WWP1: variants seen among roughly 807,000 people sequenced by gnomAD.
WWP1 encodes WW domain containing E3 ubiquitin protein ligase 1, also known as NEDD4-like E3 ubiquitin-protein ligase WWP1.
A neutral mutation model predicts 130.6 loss-of-function variants in WWP1; 49 were observed. That is an observed-to-expected ratio of 0.38 (90% CI 0.30 to 0.48). The LOEUF (loss-of-function observed/expected upper bound fraction) is 0.48. Ranked by LOEUF, WWP1 falls within the 20% of genes least tolerant of loss-of-function variation. The pLI is 0.99. For missense variants in WWP1, 809 were observed against 1,100.6 expected (o/e 0.74, Z 3.75); for synonymous variants, 332 against 367.8 (o/e 0.90, Z 1.11).
chr8:86,411,962 A>G (rs1264688885), intron 9 of WWP1, 88 bp downstream of exon 9: 3 of 1,260,776 alleles, frequency 2.4e-6, no homozygotes, highest in South Asian at 1.5e-5. Flanking sequence ...AAATGTTTTC[A>G]TTGTTCAGAA....
In WWP1 at chr8:86,438,647, A is replaced by G; in HGVS notation, c.1812A>G (p.Glu604=). 6.2e-7 allele frequency: 1 copy of G among 1,609,146 alleles called. No individual in the cohort carries two copies. Among genetic ancestry groups the G allele is most frequent in the Non-Finnish European group, 8.5e-7 (1 of 1,178,686 alleles). The change falls in exon 17 of 25, where the codon GAA becomes GAG. Residue 604 remains glutamate, a synonymous_variant. Coordinates refer to ENST00000517970, the MANE Select transcript of WWP1 (RefSeq NM_007013.4). The stretch of plus-strand genomic sequence containing the variant: ...TATATGTAATATTTAGAGGAGAAGA[A>G]GGACTTGATTATGGTGGCCTAGCGA... ...RRLYVIFRGE[E]GLDYGGLARE...
At position 86,380,758 on chromosome 8, in the gene WWP1, T is replaced by C. The variant is rs1824938513; in HGVS notation, c.103T>C (p.Trp35Arg). 6.2e-7 allele frequency: 1 copy of C among 1,610,210 alleles called. No homozygotes were observed. The highest frequency in any genetic ancestry group is 8.5e-7 in the Non-Finnish European group (1 of 1,178,900). Residue 35 changes from tryptophan to arginine, a missense_variant, in exon 4 of 25, where the codon TGG becomes CGG. Around this residue, in one of 3 missense-constraint regions of WWP1, gnomAD observed 262 missense variants for 346.0 expected, o/e 0.76. Coordinates refer to ENST00000517970, the MANE Select transcript of WWP1 (RefSeq NM_007013.4). ...SSAKLKRKKN[W>R]FGTAIYTEVV... ...TGCCAAACTTAAAAGAAAAAAGAAC[T>C]GGTTCGGAACAGCAATATATACAGA... is the stretch of plus-strand genomic sequence containing the variant.
At chr8:86,363,429 C>G (rs1228516344) in intron 1 of WWP1, among the ~76,000 whole-genome samples, 1 of 151,922 alleles carries the variant, frequency 6.6e-6, no homozygotes, top group African/African-American at 2.4e-5. Context: ...TCTTTTGGGG[C>G]CTAGTGCAGG....
intron 8 of WWP1, among the ~76,000 whole-genome samples, chr8:86,403,584 C>T (rs956313954): frequency 6.6e-6 from 1 of 152,074 alleles, no homozygotes; most frequent in Admixed American, 6.6e-5. Context: ...CGTGAGCCAC[C>T]GTGCCTGGAC....
intron 8 of WWP1, among the ~76,000 whole-genome samples, chr8:86,409,935 T>A (rs1329498058): frequency 1.3e-5 from 2 of 152,190 alleles, no homozygotes; most frequent in African/African-American, 4.8e-5. Flanking sequence ...TAATCTAGAT[T>A]ACTTCTTAAT....
At chr8:86,442,240 G>A (rs1322748296) in intron 17 of WWP1, 1 of 154,568 alleles carries the variant, frequency 6.5e-6, no homozygotes, top group Non-Finnish European at 1.4e-5. Context: ...AATTAATATT[G>A]TGAGGTTGTT....
Position 86,342,587 on chromosome 8 carries a change from T to C in WWP1, c.-458T>C, listed in dbSNP as rs1197182407. On this transcript the variant is annotated 5_prime_UTR_variant, in exon 1 of 25. Coordinates refer to ENST00000517970, the MANE Select transcript of WWP1 (RefSeq NM_007013.4). ...TTGGAGGCTTTGGGCGGCCGCGGCGTAGCGCGCGGTGCCGGGGCCGGCGGG... is the reference window on the plus strand; with the variant it reads ...TTGGAGGCTTTGGGCGGCCGCGGCGCAGCGCGCGGTGCCGGGGCCGGCGGG... Among the ~76,000 whole-genome samples, 2 of 150,034 alleles carry C rather than the reference T, an allele frequency of 1.3e-5. No individual in the cohort carries two copies. The highest frequency in any genetic ancestry group is 1.3e-4 in the Admixed American group (2 of 15,066).
At chr8:86,450,260 A>G (rs779854460) in intron 20 of WWP1, among the ~76,000 whole-genome samples, 1 of 152,192 alleles carries the variant, frequency 6.6e-6, no homozygotes, top group Non-Finnish European at 1.5e-5. Flanking sequence ...TCTGAGTGAG[A>G]GAAGTTACCA....
rs1807808308 is a variant in WWP1, at chr8:86,398,654, T to A, written c.539+16T>A. 1 of 1,609,968 alleles carries A rather than the reference T, an allele frequency of 6.2e-7. No homozygotes were observed. The highest frequency in any genetic ancestry group is 8.5e-7 in the Non-Finnish European group (1 of 1,178,654). On this transcript the variant is annotated intron_variant, in intron 7 of 24. Coordinates refer to ENST00000517970, the MANE Select transcript of WWP1 (RefSeq NM_007013.4). ...CAACTGCCAGGTAGAATATTTTATT[T>A]GAATATGGGTGGCGACATGATGTGG...
intron 17 of WWP1, among the ~76,000 whole-genome samples, 193 bp downstream of exon 17, chr8:86,438,866 A>G (rs1206509652): frequency 6.6e-6 from 1 of 152,124 alleles, no homozygotes; most frequent in Non-Finnish European, 1.5e-5. Flanking sequence ...ATCTTTACAT[A>G]TATGTAAATT....
chr8:86,346,591 C>T lies in WWP1; in HGVS notation c.-115+3661C>T, dbSNP rs145302197. ...TAGCTAGTACGGTTAAAGTGTAGTG[C>T]GATTGGTAAACAGTTGACTTTTCTG... On this transcript the variant is annotated intron_variant, in intron 1 of 24. Coordinates refer to ENST00000517970, the MANE Select transcript of WWP1 (RefSeq NM_007013.4). Among the ~76,000 whole-genome samples the T allele has an allele frequency of 7.9e-4, 120 of 152,126 alleles. 1 individual carries two copies. Among genetic ancestry groups the T allele is most frequent in the Non-Finnish European group, 1.4e-3 (93 of 68,014 alleles).
chr8:86,404,287 T>A (rs1482075326), intron 8 of WWP1, among the ~76,000 whole-genome samples: 1 of 152,226 alleles, frequency 6.6e-6, no homozygotes, highest in Non-Finnish European at 1.5e-5. Flanking sequence ...ATTTGGAGGT[T>A]TTGATCTTAT....
intron 24 of WWP1, 150 bp downstream of exon 24, chr8:86,461,996 A>T (rs371718215): frequency 7.8e-6 from 5 of 643,880 alleles, no homozygotes; most frequent in African/African-American, 7.3e-5. Flanking sequence ...AGCATTCTAT[A>T]ACTGAACACT....
At chr8:86,466,719 G>A (rs1200108767) in intron 24 of WWP1, 75 bp from the exon 25 acceptor site, 3 of 1,034,210 alleles carry the variant, frequency 2.9e-6, no homozygotes, top group Admixed American at 2.5e-5. Context: ...GCATTTCTAT[G>A]TGCTTTGAAA....
At chr8:86,418,824 A>G (rs1349376821) in intron 9 of WWP1, among the ~76,000 whole-genome samples, 2 of 152,160 alleles carry the variant, frequency 1.3e-5, no homozygotes, top group African/African-American at 4.8e-5. Context: ...TAAATTTTCA[A>G]ATACACACCC....
chr8:86,406,768 A>G (rs1467352978), intron 8 of WWP1, among the ~76,000 whole-genome samples: 2 of 152,148 alleles, frequency 1.3e-5, no homozygotes, highest in African/African-American at 4.8e-5. Context: ...CTCCCTCATG[A>G]TGTACCCTCT....
intron 9 of WWP1, among the ~76,000 whole-genome samples, chr8:86,414,092 A>G (rs186084627): frequency 2.6e-5 from 4 of 152,354 alleles, no homozygotes; most frequent in Admixed American, 2.6e-4. Context: ...TTCAAATTGT[A>G]GAGTGCAACC....
Position 86,440,860 on chromosome 8 carries a change from T to C in WWP1, c.1839-1759T>C, listed in dbSNP as rs1322444277. 4.2e-5 allele frequency: 11 copies of C among 264,002 alleles called. No individual in the cohort carries two copies. In the East Asian group the frequency reaches 6.2e-4, roughly 15 times the overall value. The allele number at this position is 264,002 out of a possible 1,614,324, so 16.4% of individuals were successfully genotyped here. ...ATCCTCATGTCACTGTTTGCAGTAC[T>C]GCCCTACGTTTTGCTGCTTCTAATG... On this transcript the variant is annotated intron_variant, in intron 17 of 24. Transcript: ENST00000517970.
Position 86,448,597 on chromosome 8 carries a change from T to A in WWP1, c.2273+84T>A, listed in dbSNP as rs1053999741. The A allele has an allele frequency of 6.8e-6, 9 of 1,324,404 alleles. No homozygotes were observed. The African/African-American group carries it at 1.3e-4, about 20-fold the overall frequency. 82.0% of individuals were successfully genotyped at this position (1,324,404 alleles called of 1,614,324 possible). ...CTCTGTACCCTTAATTTCATCCCCT[T>A]TTCATGCCTTTGGGAAGTTCTTCTC... On this transcript the variant is annotated intron_variant, in intron 20 of 24. Transcript: ENST00000517970.
Sources: gnomAD v4.1 joint callset for allele counts (sites outside exome capture counted in the v4.1 genomes callset) on GRCh38, gnomAD v4.1.1 for gene constraint, gnomAD v4.1.1 regional missense constraint, MANE v1.5 for transcripts, NCBI Gene and HGNC (gene_info 2026-07-23, HGNC 2026-07-21) for gene names.